RGS7: variants seen among roughly 807,000 people sequenced by gnomAD.
RGS7 encodes regulator of G protein signaling 7.
Under a neutral mutation model 81.1 loss-of-function variants are expected in RGS7, and 27 were observed. That is an observed-to-expected ratio of 0.33 (90% CI 0.25 to 0.46). RGS7 has a LOEUF of 0.46. Ranked by LOEUF, RGS7 falls within the 20% of genes least tolerant of loss-of-function variation. RGS7 has a pLI of 1.00. For synonymous variants in RGS7, 208 were observed against 207.7 expected (o/e 1.00, Z -0.01); for missense variants, 396 against 607.4 (o/e 0.65, Z 3.66).
chr1:241,356,551 G>A (rs1265645532), intron 1 of RGS7, among the ~76,000 whole-genome samples: 1 of 152,112 alleles, frequency 6.6e-6, no homozygotes, highest in Admixed American at 6.5e-5. Flanking sequence ...CATTTTACCC[G>A]GGTCACCGTG....
At chr1:241,027,472 G>A (rs2059850917) in intron 3 of RGS7, among the ~76,000 whole-genome samples, 1 of 152,164 alleles carries the variant, frequency 6.6e-6, no homozygotes, top group African/African-American at 2.4e-5. Flanking sequence ...CTGCTGTGTG[G>A]AGAATGGCTT....
intron 4 of RGS7, 107 bp downstream of exon 4, chr1:240,982,972 T>C (rs1685141059): frequency 1.5e-6 from 1 of 662,530 alleles, no homozygotes; most frequent in Admixed American, 2.6e-5. Context: ...TGAATTATAA[T>C]TTTTCAGGAG....
chr1:240,937,525 T>G (rs1676850085), intron 4 of RGS7, among the ~76,000 whole-genome samples: 1 of 152,148 alleles, frequency 6.6e-6, no homozygotes, highest in African/African-American at 2.4e-5. Flanking sequence ...GAAGATAAAG[T>G]TAAGAAACAT....
chr1:240,949,443 C>T (rs1030836394), intron 4 of RGS7, among the ~76,000 whole-genome samples: 1 of 152,070 alleles, frequency 6.6e-6, no homozygotes, highest in African/African-American at 2.4e-5. Flanking sequence ...TCACTGTCTG[C>T]TTGGTTTTAG....
At chr1:240,930,222 CTTTTT>C (rs10676730) in intron 6 of RGS7, among the ~76,000 whole-genome samples, 5 of 113,886 alleles carry the variant, frequency 4.4e-5, no homozygotes, top group Admixed American at 9.5e-5. Context: ...TCTTTTTTAG[CTTTTT>C]TTTTTTTTTT....
intron 4 of RGS7, among the ~76,000 whole-genome samples, chr1:240,975,023 T>C (rs1269467563): frequency 6.6e-6 from 1 of 152,094 alleles, no homozygotes; most frequent in Non-Finnish European, 1.5e-5. Context: ...AATGCCAGGA[T>C]TCCTCTCAAG....
chr1:241,212,717 G>A (rs1416432117), intron 2 of RGS7, among the ~76,000 whole-genome samples: 1 of 152,174 alleles, frequency 6.6e-6, no homozygotes, highest in Non-Finnish European at 1.5e-5. Context: ...TTTGCCCGAG[G>A]TGCCCACCTC....
At chr1:241,130,978 C>T (rs1426006335) in intron 2 of RGS7, among the ~76,000 whole-genome samples, 2 of 146,950 alleles carry the variant, frequency 1.4e-5, no homozygotes. Context: ...TCTGGAAGAA[C>T]TGGCTGTAAC....
intron 18 of RGS7, among the ~76,000 whole-genome samples, chr1:240,780,724 G>A (rs532112924): frequency 7.7e-4 from 117 of 151,752 alleles, no homozygotes; most frequent in Admixed American, 2.0e-3. Flanking sequence ...GACTATCCTG[G>A]CCAACATGTT....
chr1:240,776,190 C>T lies in RGS7; in HGVS notation c.*30G>A. 1.9e-6 allele frequency: 3 copies of T among 1,611,924 alleles called. No homozygotes were observed. The highest frequency in any genetic ancestry group is 1.7e-6 in the Non-Finnish European group (2 of 1,178,018). ...AGTAAGACTGAGCAAGGCTTGTTAA[C>T]CTCTTGGACGTGAGAGATTTCCCCT... On this transcript the variant is annotated 3_prime_UTR_variant, in exon 19 of 19. Coordinates refer to ENST00000440928, the MANE Select transcript of RGS7 (RefSeq NM_001364886.1).
intron 2 of RGS7, among the ~76,000 whole-genome samples, chr1:241,200,496 T>C (rs1341869304): frequency 1.3e-5 from 2 of 152,174 alleles, no homozygotes; most frequent in Admixed American, 6.5e-5. Flanking sequence ...ACAACCCAGA[T>C]GCTAATTCTG....
intron 2 of RGS7, among the ~76,000 whole-genome samples, chr1:241,156,930 TAC>T (rs972932984): frequency 2.0e-5 from 3 of 152,162 alleles, no homozygotes; most frequent in South Asian, 2.1e-4. Context: ...CAGATGTCAT[TAC>T]CAAGGATCCT....
In RGS7 at chr1:241,334,750, G is replaced by T. The variant is rs567262685; in HGVS notation, c.78+20949C>A. On this transcript the variant is annotated intron_variant, in intron 2 of 18. Coordinates refer to ENST00000440928, the MANE Select transcript of RGS7 (RefSeq NM_001364886.1). ...GTGACCATTCCTTACCTTTACCAAA[G>T]AAATTGCAAGAAAAAAAATAGAAAA... 2.6e-5 allele frequency among the ~76,000 whole-genome samples: 4 copies of T among 151,654 alleles called. No homozygotes were observed. In the South Asian group the frequency reaches 6.2e-4, roughly 24 times the overall value.
At chr1:241,083,190 C>A (rs2063237850) in intron 3 of RGS7, among the ~76,000 whole-genome samples, 2 of 144,586 alleles carry the variant, frequency 1.4e-5, no homozygotes, top group African/African-American at 5.2e-5. Flanking sequence ...CATGACACTG[C>A]ACTCCAGCCT....
At chr1:240,865,013 G>T (rs1662975666) in intron 9 of RGS7, among the ~76,000 whole-genome samples, 1 of 151,606 alleles carries the variant, frequency 6.6e-6, no homozygotes, top group Non-Finnish European at 1.5e-5. Context: ...CACGAAGAAA[G>T]CTGAAAATTT....
chr1:241,124,348 T>G (rs539511864), intron 2 of RGS7, among the ~76,000 whole-genome samples: 1 of 152,232 alleles, frequency 6.6e-6, no homozygotes. Context: ...TGAACTCCAT[T>G]GCACCACTGC....
chr1:240,934,876 CTTTTTTTTTTTTTTTTTT>C (rs555195177), intron 5 of RGS7, among the ~76,000 whole-genome samples: 4 of 67,154 alleles, frequency 6.0e-5, no homozygotes, highest in African/African-American at 1.9e-4. Context: ...CTTCACATGG[CTTTTTTTTTTTTTTTTTT>C]TTTTTTTTTT....
At chr1:241,013,176 C>A (rs985741345) in intron 3 of RGS7, among the ~76,000 whole-genome samples, 1 of 151,400 alleles carries the variant, frequency 6.6e-6, no homozygotes, top group Non-Finnish European at 1.5e-5. Flanking sequence ...GATTCTCGTG[C>A]CTCAGCCTTC....
chr1:240,911,596 C>G (rs1211567222), intron 6 of RGS7, among the ~76,000 whole-genome samples: 1 of 152,202 alleles, frequency 6.6e-6, no homozygotes, highest in Non-Finnish European at 1.5e-5. Flanking sequence ...CCACTGCATA[C>G]TGGGTGCCTA....
Sources: allele counts gnomAD v4.1 joint callset (sites outside exome capture counted in the v4.1 genomes callset), GRCh38; gene constraint gnomAD v4.1.1; transcripts MANE v1.5; gene names NCBI Gene and HGNC (gene_info 2026-07-23, HGNC 2026-07-21).